Variants in GFM1 observed in about 807,000 individuals in gnomAD.
GFM1 encodes elongation factor G, mitochondrial.
Under a neutral mutation model 96.2 loss-of-function variants are expected in GFM1, and 62 were observed. The ratio of observed to expected loss-of-function variants is 0.64; its 90% confidence interval spans 0.53 to 0.80. The LOEUF (loss-of-function observed/expected upper bound fraction) is 0.80, where lower values mean the gene tolerates loss of function less well. GFM1 is among the 30% of genes least tolerant of loss of function. The pLI, the probability that GFM1 is intolerant of heterozygous loss-of-function variation, is 0.00. For missense variants in GFM1, 852 were observed against 916.6 expected, an observed-to-expected ratio of 0.93 and a Z score of 0.91; for synonymous variants, 282 against 312.9, an observed-to-expected ratio of 0.90 and a Z score of 1.04.
chr3:158,644,658 C>G lies in GFM1; in HGVS notation c.24C>G (p.Ala8=). 6.3e-7 allele frequency: 1 copy of G among 1,575,342 alleles called. No individual in the cohort carries two copies. Among genetic ancestry groups the G allele is most frequent in the Non-Finnish European group, 8.6e-7 (1 of 1,161,038 alleles). Residue 8 remains alanine, a synonymous_variant, in exon 1 of 18, where the codon GCC becomes GCG. Coordinates refer to ENST00000486715, the MANE Select transcript of GFM1 (RefSeq NM_024996.7). ...CCATGAGACTCCTGGGAGCTGCAGC[C>G]GTCGCGGCTCTGGGGCGCGGAAGGG... MRLLGAA[A]VAALGRGRAP...
intron 15 of GFM1, 35 bp from the exon 16 acceptor site, chr3:158,690,128 G>A (rs1487240388): frequency 3.8e-6 from 6 of 1,568,288 alleles, no homozygotes; most frequent in Middle Eastern, 1.7e-4. Flanking sequence ...TAGTTTGTAT[G>A]AAGACTAATG....
In GFM1 at chr3:158,693,868, T is replaced by C. The variant is rs982734853; in HGVS notation, c.*2401T>C. ...AGATAAAAACTTTTTTGGGTGATTC[T>C]AATATGCAGACAAAGTTAAAGACCG... On this transcript the variant is annotated 3_prime_UTR_variant, in exon 18 of 18. Transcript: ENST00000486715. The C allele has an allele frequency of 6.6e-6, 1 of 152,206 alleles. No individual in the cohort carries two copies. The highest frequency in any genetic ancestry group is 1.5e-5 in the Non-Finnish European group (1 of 68,038). The allele number at this position is 152,206 out of a possible 1,614,324, so 9.4% of individuals were successfully genotyped here.
chr3:158,646,079 G>A, intron 2 of GFM1, 86 bp from the exon 3 acceptor site: 4 of 1,533,078 alleles, frequency 2.6e-6, no homozygotes, highest in Non-Finnish European at 3.6e-6. Flanking sequence ...CACTGCACCT[G>A]GCAACTGTTT....
At chr3:158,646,081 C>A in intron 2 of GFM1, 84 bp from the exon 3 acceptor site, 1 of 1,539,664 alleles carries the variant, frequency 6.5e-7, no homozygotes. Flanking sequence ...CTGCACCTGG[C>A]AACTGTTTCC....
intron 15 of GFM1, among the ~76,000 whole-genome samples, chr3:158,685,629 TC>T (rs1576792293): frequency 6.6e-6 from 1 of 152,178 alleles, no homozygotes; most frequent in East Asian, 1.9e-4. Flanking sequence ...GGTTGCTGAT[TC>T]CTTATTTTAC....
Position 158,658,968 on chromosome 3 carries a change from A to G in GFM1, c.1130A>G (p.Glu377Gly). ...QLTYVRSYQG[E>G]LKKGDTIYNT... ...ACTTATGTTCGCAGTTATCAGGGAG[A>G]GCTAAAGAAGGGTGACACCATCTAT... The change falls in exon 9 of 18, where the codon GAG (glutamate) becomes GGG (glycine). Residue 377 changes from glutamate (E) to glycine (G), a missense_variant. Glu to Gly is a moderately conservative substitution (Grantham distance 98, BLOSUM62 -2). Coordinates refer to ENST00000486715, the MANE Select transcript of GFM1 (RefSeq NM_024996.7). 11 of 1,614,100 alleles carry G rather than the reference A, an allele frequency of 6.8e-6. No homozygotes were observed. Among genetic ancestry groups the G allele is most frequent in the Non-Finnish European group, 9.3e-6 (11 of 1,180,002 alleles).
rs1864507 is a variant in GFM1 at position 158,644,652 on chromosome 3, T to C, written c.18T>C (p.Ala6=). Residue 6 remains alanine (A), a synonymous_variant, in exon 1 of 18, where the codon GCT becomes GCC. Coordinates refer to ENST00000486715, the MANE Select transcript of GFM1 (RefSeq NM_024996.7). ...CGCTTGCCATGAGACTCCTGGGAGCTGCAGCCGTCGCGGCTCTGGGGCGCG... is the reference window on the plus strand; with the variant it reads ...CGCTTGCCATGAGACTCCTGGGAGCCGCAGCCGTCGCGGCTCTGGGGCGCG... MRLLG[A]AAVAALGRGR... The C allele has an allele frequency of 0.54, 846,162 of 1,572,136 alleles. 230,856 individuals carry two copies. The highest frequency in any genetic ancestry group is 0.73 in the African/African-American group (54,356 of 74,430).
At chr3:158,663,803 A>G (rs2108046950) in intron 11 of GFM1, among the ~76,000 whole-genome samples, 1 of 152,314 alleles carries the variant, frequency 6.6e-6, no homozygotes, top group Non-Finnish European at 1.5e-5. Flanking sequence ...TTCAATATCC[A>G]GAAGGTTTTT....
chr3:158,687,328 A>G (rs115664036), intron 15 of GFM1, among the ~76,000 whole-genome samples: 229 of 151,686 alleles, frequency 1.5e-3, no homozygotes, highest in African/African-American at 5.4e-3. Context: ...TTTATTTTTT[A>G]CAAAATATAC....
intron 8 of GFM1, chr3:158,655,797 T>C (rs1247166639): frequency 2.2e-6 from 1 of 451,878 alleles, no homozygotes; most frequent in South Asian, 1.6e-5. Flanking sequence ...TCATTTGAAT[T>C]TCTTTAGTTT....
intron 8 of GFM1, chr3:158,655,661 G>C (rs1374336420): frequency 4.8e-6 from 1 of 209,952 alleles, no homozygotes; most frequent in African/African-American, 2.3e-5. Context: ...ATATTTTAAA[G>C]AAAAGTTATG....
At chr3:158,677,302 A>G (rs561510020) in intron 13 of GFM1, among the ~76,000 whole-genome samples, 8 of 152,314 alleles carry the variant, frequency 5.3e-5, no homozygotes, top group African/African-American at 1.9e-4. Flanking sequence ...GTTCAATTTT[A>G]TGAAGGCTGA....
rs1304182638 is a variant in GFM1 at position 158,660,973 on chromosome 3, A to G, written c.1321A>G (p.Met441Val). Residue 441 changes from methionine (M) to valine (V), a missense_variant and splice_region_variant, in exon 10 of 18, where the codon ATG becomes GTG. Physicochemically the swap from Met to Val is conservative, Grantham distance 21. Coordinates refer to ENST00000486715, the MANE Select transcript of GFM1 (RefSeq NM_024996.7). ...FTDKANSGLSMESIHVPDPVI... is the reference protein window; with the variant it reads ...FTDKANSGLSVESIHVPDPVI... Reference sequence around the variant, plus strand: ...AGACAAAGCCAACAGCGGCCTTTCTATGGTAAGCCATTTAATTTCAAAGCT... The same window carrying G: ...AGACAAAGCCAACAGCGGCCTTTCTGTGGTAAGCCATTTAATTTCAAAGCT... The G allele has an allele frequency of 1.2e-6, 2 of 1,610,596 alleles. No individual in the cohort carries two copies. The highest frequency in any genetic ancestry group is 2.2e-5 in the East Asian group (1 of 44,852).
rs1033226749 is a variant in GFM1, at chr3:158,684,958, G to T, written c.1909+290G>T. The T allele has an allele frequency of 1.0e-5, 3 of 288,260 alleles. No individual in the cohort carries two copies. In the East Asian group the frequency reaches 2.2e-4, roughly 21 times the overall value. The allele number at this position is 288,260 out of a possible 1,614,324, so 17.9% of individuals were successfully genotyped here. ...TGTTTTTAATAGGGAAGACTGAAAT[G>T]TTCAGAATTCTAGGAAATTTTTAAA... On this transcript the variant is annotated intron_variant, in intron 15 of 17. Transcript: ENST00000486715.
rs1254821612 is a variant in GFM1 at position 158,692,425 on chromosome 3, A to G, written c.*958A>G. On this transcript the variant is annotated 3_prime_UTR_variant, in exon 18 of 18. Transcript: ENST00000486715. ...CTGAGATTATGAAGGGACAAATGTT[A>G]ATCTTTTGTTTCCAGAAAAAGTTGG... 1.3e-5 allele frequency: 2 copies of G among 152,188 alleles called. No homozygotes were observed. Among genetic ancestry groups the G allele is most frequent in the Non-Finnish European group, 2.9e-5 (2 of 68,020 alleles). The allele number at this position is 152,188 out of a possible 1,614,324, so 9.4% of individuals were successfully genotyped here. A position where few individuals can be genotyped will look rare whatever the true frequency, so the allele number is the denominator to read the frequency against.
chr3:158,645,044 C>G (rs1018061747), intron 1 of GFM1, among the ~76,000 whole-genome samples: 2 of 148,612 alleles, frequency 1.3e-5, no homozygotes, highest in African/African-American at 5.0e-5. Context: ...ATGTGCAGTC[C>G]TATAGGGAAA....
chr3:158,681,968 A>ATTTTTTTT, intron 13 of GFM1, 27 bp from the exon 14 acceptor site: 1 of 1,458,436 alleles, frequency 6.9e-7, no homozygotes, highest in Non-Finnish European at 9.4e-7. Context: ...ATAATGCTCC[A>ATTTTTTTT]TTTTTTTTTT....
chr3:158,673,593 C>T (rs1355815373), intron 13 of GFM1, among the ~76,000 whole-genome samples: 3 of 148,162 alleles, frequency 2.0e-5, no homozygotes, highest in African/African-American at 5.0e-5. Context: ...CTCACTGCAA[C>T]GTCCGCCTCC....
chr3:158,691,225 C>T lies in GFM1; in HGVS notation c.2124+33C>T, dbSNP rs766339745. 7 of 1,603,094 alleles carry T rather than the reference C, an allele frequency of 4.4e-6. No individual in the cohort carries two copies. In the African/African-American group the frequency reaches 9.4e-5, roughly 21 times the overall value. ...AATTTAAACTTACCCTTCAAAAGAC[C>T]ACCCTACAGAATGATCATATTATAA... On this transcript the variant is annotated intron_variant, in intron 17 of 17. Coordinates refer to ENST00000486715, the MANE Select transcript of GFM1 (RefSeq NM_024996.7).
Sources: gnomAD v4.1 joint callset for allele counts (sites outside exome capture counted in the v4.1 genomes callset) on GRCh38, gnomAD v4.1.1 for gene constraint, MANE v1.5 for transcripts, NCBI Gene and HGNC (gene_info 2026-07-23, HGNC 2026-07-21) for gene names.